The following THADA variants were observed in gnomAD, a reference collection of about 807,000 sequenced individuals.
THADA encodes the protein tRNA (32-2'-O)-methyltransferase regulator THADA.
Under a neutral mutation model 219.8 loss-of-function variants are expected in THADA, and 213 were observed. The ratio of observed to expected loss-of-function variants is 0.97; its 90% CI spans 0.87 to 1.09. THADA has a LOEUF of 1.09. Ranked by LOEUF, THADA falls within the 50% of genes least tolerant of loss-of-function variation. The pLI, the probability that THADA is intolerant of heterozygous loss-of-function variation, is 0.00. For synonymous variants in THADA, 1,018 were observed against 828.9 expected (o/e 1.23, Z -3.92); for missense variants, 2,956 against 2,311.3 (o/e 1.28, Z -5.72).
intron 36 of THADA, among the ~76,000 whole-genome samples, chr2:43,250,820 C>A (rs1008273766): frequency 6.6e-6 from 1 of 152,092 alleles, no homozygotes; most frequent in East Asian, 1.9e-4. Context: ...AATTCTGTGT[C>A]CCTGAGGCGT....
chr2:43,461,015 A>C (rs984938205), intron 26 of THADA, among the ~76,000 whole-genome samples: 1 of 152,224 alleles, frequency 6.6e-6, no homozygotes, highest in Non-Finnish European at 1.5e-5. Context: ...CTGTTGAGGC[A>C]GAGGTGTATA....
intron 24 of THADA, among the ~76,000 whole-genome samples, chr2:43,502,058 A>G (rs1007805465): frequency 6.6e-6 from 1 of 152,236 alleles, no homozygotes; most frequent in African/African-American, 2.4e-5. Flanking sequence ...GTATAAATCA[A>G]GAAGAAAAGG....
intron 28 of THADA, among the ~76,000 whole-genome samples, chr2:43,425,319 C>G (rs940835228): frequency 6.6e-6 from 1 of 152,092 alleles, no homozygotes; most frequent in Non-Finnish European, 1.5e-5. Flanking sequence ...TTCCTACTGA[C>G]TTCTCTGCTC....
chr2:43,475,595 C>G (rs752278789), intron 26 of THADA, among the ~76,000 whole-genome samples: 32 of 152,064 alleles, frequency 2.1e-4, no homozygotes, highest in East Asian at 1.9e-4. Context: ...TAGCTCTGAA[C>G]CAGGGAGACA....
At chr2:43,294,478 C>T (rs1036898933) in intron 31 of THADA, among the ~76,000 whole-genome samples, 1 of 152,172 alleles carries the variant, frequency 6.6e-6, no homozygotes, top group African/African-American at 2.4e-5. Flanking sequence ...AACTACAGGC[C>T]ATCCCATAAC....
At chr2:43,418,978 C>T (rs970666408) in intron 28 of THADA, among the ~76,000 whole-genome samples, 1 of 152,160 alleles carries the variant, frequency 6.6e-6, no homozygotes, top group Non-Finnish European at 1.5e-5. Context: ...GGCCAGGCTG[C>T]AGTGGGTTAA....
chr2:43,515,727 G>A (rs1331045610), intron 22 of THADA, among the ~76,000 whole-genome samples: 1 of 151,856 alleles, frequency 6.6e-6, no homozygotes, highest in East Asian at 1.9e-4. Context: ...CACCAGAATT[G>A]TATACCCCGT....
chr2:43,343,789 G>A, intron 30 of THADA: 1 of 225,026 alleles, frequency 4.4e-6, no homozygotes, highest in Non-Finnish European at 9.1e-6. Context: ...CTAAGAGTCT[G>A]TACCACATGA....
At chr2:43,306,835 G>A (rs1438943895) in intron 31 of THADA, among the ~76,000 whole-genome samples, 1 of 152,208 alleles carries the variant, frequency 6.6e-6, no homozygotes, top group Non-Finnish European at 1.5e-5. Flanking sequence ...TTCCACCCTG[G>A]ATGTGATGGC....
intron 30 of THADA, among the ~76,000 whole-genome samples, chr2:43,329,744 A>C (rs1679743685): frequency 6.6e-6 from 1 of 152,208 alleles, no homozygotes; most frequent in African/African-American, 2.4e-5. Flanking sequence ...GAAAAGTGAG[A>C]CATTGGGCCA....
Position 43,512,514 on chromosome 2 carries a change from GTTTTT to G in THADA, c.3375-3739_3375-3735del, listed in dbSNP as rs1690619262. The stretch of plus-strand genomic sequence containing the variant: ...TGTTTGTTTGTTTTTGTTTTGTTTT[GTTTTT>G]GAGACGAAATTTCACTCTTCTTGCC... On this transcript the variant is annotated intron_variant, in intron 22 of 37. Transcript: ENST00000405975. 6.6e-5 allele frequency among the ~76,000 whole-genome samples: 10 copies of G among 152,160 alleles called. No individual in the cohort carries two copies. The South Asian group carries it at 2.1e-3, about 32-fold the overall frequency.
At chr2:43,279,925 C>T in intron 35 of THADA, 29 bp from the exon 36 acceptor site, 1 of 1,484,186 alleles carries the variant, frequency 6.7e-7, no homozygotes. Context: ...ATCTGAATTA[C>T]CTAGAATGCA....
chr2:43,347,537 T>G (rs1667766653), intron 29 of THADA, among the ~76,000 whole-genome samples: 1 of 152,190 alleles, frequency 6.6e-6, no homozygotes, highest in African/African-American at 2.4e-5. Context: ...AAAGAGTGAA[T>G]CTTAAACTAT....
chr2:43,405,233 C>G (rs765840509), intron 28 of THADA, among the ~76,000 whole-genome samples: 8 of 152,120 alleles, frequency 5.3e-5, no homozygotes, highest in Non-Finnish European at 1.0e-4. Flanking sequence ...TTTCTTTTTC[C>G]TTTTTAATTC....
chr2:43,592,380 T>C lies in THADA; in HGVS notation c.13A>G (p.Lys5Glu), dbSNP rs1343630079. The C allele has an allele frequency of 1.0e-5, 16 of 1,603,016 alleles. No individual in the cohort carries two copies. The highest frequency in any genetic ancestry group is 1.2e-5 in the Non-Finnish European group (14 of 1,174,250). The part of the protein sequence containing the change: MGVK[K>E]KKEMQVAALT... ...GCAGCAACTTGCATTTCTTTCTTCTTCTTTACACCCATTTTAAATAGAATT... is the reference window on the plus strand; with the variant it reads ...GCAGCAACTTGCATTTCTTTCTTCTCCTTTACACCCATTTTAAATAGAATT... The change falls in exon 2 of 38, where the codon AAG (lysine) becomes GAG (glutamate). Residue 5 changes from lysine (K) to glutamate (E), a missense_variant. Coordinates refer to ENST00000405975, the MANE Select transcript of THADA (RefSeq NM_022065.5).
intron 36 of THADA, 150 bp from the exon 37 acceptor site, chr2:43,233,032 C>T (rs1253940870): frequency 1.8e-5 from 13 of 724,798 alleles, no homozygotes; most frequent in East Asian, 5.4e-5. Context: ...TCACTGGAGA[C>T]GATTAATCAC....
rs765627108 is a variant in THADA at position 43,575,067 on chromosome 2, T to C, written c.1038-40A>G. ...GCCATGAGCCATTATTGTAAACTGATTAGTAAAAGAAATTTCATTTTATAA... is the reference window on the plus strand; with the variant it reads ...GCCATGAGCCATTATTGTAAACTGACTAGTAAAAGAAATTTCATTTTATAA... On this transcript the variant is annotated intron_variant, in intron 10 of 37. Coordinates refer to ENST00000405975, the MANE Select transcript of THADA (RefSeq NM_022065.5). The C allele has an allele frequency of 4.3e-6, 6 of 1,386,210 alleles. No individual in the cohort carries two copies. The East Asian group carries it at 1.4e-4, about 33-fold the overall frequency. The allele number at this position is 1,386,210 out of a possible 1,614,324, so 85.9% of individuals were successfully genotyped here. A position where few individuals can be genotyped will look rare whatever the true frequency, so the allele number is the denominator to read the frequency against.
chr2:43,291,131 A>G (rs1226165043), intron 34 of THADA, among the ~76,000 whole-genome samples: 2 of 151,930 alleles, frequency 1.3e-5, no homozygotes, highest in South Asian at 2.1e-4. Flanking sequence ...AGGTTCTGTT[A>G]TCCCTTTGAA....
Position 43,574,430 on chromosome 2 carries a change from C to A in THADA, c.1635G>T (p.Val545=). ...ATAATTTTGGCAAGTAATAATCAAT[C>A]ACGTAAGATTTTTGATCCAAGTTTC... is the stretch of plus-strand genomic sequence containing the variant. ...CEGNLDQKSY[V]IDYYLPKLLS... The change falls in exon 11 of 38, where the codon GTG becomes GTT. Residue 545 remains valine, a synonymous_variant. Transcript: ENST00000405975. 1 of 1,611,750 alleles carries A rather than the reference C, an allele frequency of 6.2e-7. No individual in the cohort carries two copies. The highest frequency in any genetic ancestry group is 8.5e-7 in the Non-Finnish European group (1 of 1,178,738).
Sources: allele counts gnomAD v4.1 joint callset (sites outside exome capture counted in the v4.1 genomes callset), GRCh38; gene constraint gnomAD v4.1.1; transcripts MANE v1.5; gene names NCBI Gene and HGNC (gene_info 2026-07-23, HGNC 2026-07-21).